The following SNX20 variants were observed in gnomAD, a reference collection of about 807,000 sequenced individuals.
SNX20 encodes the protein sorting nexin 20.
Under a neutral mutation model 24.5 loss-of-function variants are expected in SNX20, and 21 were observed. The observed-to-expected ratio is 0.86, with a 90% CI of 0.61 to 1.23. The LOEUF is 1.23. Among genes scored for constraint, SNX20 ranks in the 50% most tolerant of loss-of-function variants. SNX20 has a pLI of 0.00. For missense variants in SNX20, 433 were observed against 430.8 expected, an observed-to-expected ratio of 1.00 and a Z score of -0.04; for synonymous variants, 206 against 192.8, an observed-to-expected ratio of 1.07 and a Z score of -0.57.
chr16:50,668,943 C>G, downstream of SNX20: 1 of 1,506,706 alleles, frequency 6.6e-7, no homozygotes. Flanking sequence ...CGGCCCTGCC[C>G]AGGCCTCAGC....
intron 1 of SNX20, among the ~76,000 whole-genome samples, chr16:50,680,627 G>A (rs182999962): frequency 1.2e-4 from 18 of 152,276 alleles, no homozygotes; most frequent in Non-Finnish European, 2.4e-4. Context: ...CATGGCCCAC[G>A]CTGGGAGACA....
intron 3 of SNX20, among the ~76,000 whole-genome samples, 174 bp from the exon 4 acceptor site, chr16:50,674,248 T>C (rs576115160): frequency 1.3e-5 from 2 of 150,938 alleles, no homozygotes; most frequent in Non-Finnish European, 2.9e-5. Context: ...TTTATTTATT[T>C]ATTTATTTAT....
In SNX20 at chr16:50,673,211, G is replaced by A; in HGVS notation, c.*195C>T. ...AGCTACTTGGGAGGCTGAGGTGGGAGGATTGCTTGTGCCCAGGAGTTTGAG... is the reference window on the plus strand; with the variant it reads ...AGCTACTTGGGAGGCTGAGGTGGGAAGATTGCTTGTGCCCAGGAGTTTGAG... On this transcript the variant is annotated 3_prime_UTR_variant, in exon 4 of 4. Transcript: ENST00000330943. This position sits in a 1 kb window ranked among gnomAD's most constrained non-coding sequence, Gnocchi z 4.1. The A allele has an allele frequency of 1.1e-6, 1 of 944,778 alleles. No individual in the cohort carries two copies. The highest frequency in any genetic ancestry group is 4.2e-5 in the South Asian group (1 of 23,994). 58.5% of individuals were successfully genotyped at this position (944,778 alleles called of 1,614,324 possible).
downstream of SNX20, chr16:50,669,125 C>CT: frequency 7.0e-7 from 1 of 1,423,636 alleles, no homozygotes; most frequent in Non-Finnish European, 9.7e-7. Context: ...GATAAGTCAT[C>CT]TCTCCAGGCC....
downstream of SNX20, chr16:50,668,974 C>G (rs78003153): frequency 2.0e-3 from 3,134 of 1,544,230 alleles, 47 homozygotes; most frequent in African/African-American, 0.037. Context: ...CACCCCTAGG[C>G]CCAGCTGGAT....
rs2150760039 is a variant in SNX20, at chr16:50,672,587, C to T, written c.*819G>A. 6.7e-6 allele frequency: 1 copy of T among 149,104 alleles called. No individual in the cohort carries two copies. Among genetic ancestry groups the T allele is most frequent in the African/African-American group, 2.5e-5 (1 of 39,902 alleles). 9.2% of individuals were successfully genotyped at this position (149,104 alleles called of 1,614,324 possible). On this transcript the variant is annotated 3_prime_UTR_variant, in exon 4 of 4. Transcript: ENST00000330943. ...TAGGTGAGCTTTTGTTTTGCTTTGT[C>T]AGGTCTACATGGTAAGGGGGAAGGG... is the stretch of plus-strand genomic sequence containing the variant.
At position 50,674,051 on chromosome 16, in the gene SNX20, C is replaced by T. The variant is rs755456612; in HGVS notation, c.306G>A (p.Gln102=). 3.1e-6 allele frequency: 5 copies of T among 1,605,266 alleles called. No individual in the cohort carries two copies. Among genetic ancestry groups the T allele is most frequent in the Admixed American group, 1.7e-5 (1 of 59,082 alleles). The stretch of plus-strand genomic sequence containing the variant: ...CCTTGTTGTTGTCAAAGCTCCCAGT[C>T]TGGATGACGATGATTTGGTACACCT... ...KFVVYQIIVI[Q]TGSFDNNKAV... is the part of the protein sequence containing the mutation. The change falls in exon 4 of 4, where the codon CAG becomes CAA. Residue 102 remains glutamine, a synonymous_variant. Coordinates refer to ENST00000330943, the MANE Select transcript of SNX20 (RefSeq NM_182854.4).
At chr16:50,667,857 T>C (rs530518079), downstream of SNX20, 9 of 718,820 alleles carry the variant, frequency 1.3e-5, no homozygotes, top group Admixed American at 2.3e-5. Flanking sequence ...AGCTGACAGA[T>C]GAGGGCTCGG....
Position 50,673,633 on chromosome 16 carries a change from G to T in SNX20, c.724C>A (p.Arg242Ser), listed in dbSNP as rs1007232450. The change falls in exon 4 of 4, where the codon CGC becomes AGC. Residue 242 changes from arginine to serine, a missense_variant. Physicochemically the swap from Arg to Ser is moderately radical, Grantham distance 110. Coordinates refer to ENST00000330943, the MANE Select transcript of SNX20 (RefSeq NM_182854.4). This position sits in a 1 kb window ranked among gnomAD's most constrained non-coding sequence, Gnocchi z 4.1. ...AVLLCHRDLD[R>S]PAEAFAAGER... Reference sequence around the variant, plus strand: ...CCGGCCGCGAAGGCCTCGGCGGGGCGGTCGAGGTCGCGGTGGCACAGCAGC... The same window carrying T: ...CCGGCCGCGAAGGCCTCGGCGGGGCTGTCGAGGTCGCGGTGGCACAGCAGC... 1.3e-6 allele frequency: 2 copies of T among 1,546,022 alleles called. No homozygotes were observed. Among genetic ancestry groups the T allele is most frequent in the Admixed American group, 2.0e-5 (1 of 50,408 alleles).
chr16:50,677,050 C>A (rs1024275032), intron 2 of SNX20, among the ~76,000 whole-genome samples: 1 of 152,184 alleles, frequency 6.6e-6, no homozygotes, highest in African/African-American at 2.4e-5. Context: ...GATAACAGCC[C>A]GGCTTCCTCA....
Position 50,673,838 on chromosome 16 carries a change from G to A in SNX20, c.519C>T (p.Cys173=), listed in dbSNP as rs374773567. Residue 173 remains cysteine, a synonymous_variant, in exon 4 of 4, where the codon TGC becomes TGT. Transcript: ENST00000330943. This position sits in a 1 kb window ranked among gnomAD's most constrained non-coding sequence, Gnocchi z 4.1. ...CCAGGAACTCCCGGGAGCGGCGCAC[G>A]CAGCGGATGGCGTAGAGCAGGCCCA... ...EYLGLLYAIR[C]VRRSREFLDF... is the part of the protein sequence containing the mutation. 14 of 1,600,060 alleles carry A rather than the reference G, an allele frequency of 8.7e-6. No homozygotes were observed. Among genetic ancestry groups the A allele is most frequent in the East Asian group, 4.5e-5 (2 of 44,432 alleles).
chr16:50,678,766 A>G (rs1963236130), intron 1 of SNX20, among the ~76,000 whole-genome samples: 1 of 152,178 alleles, frequency 6.6e-6, no homozygotes, highest in South Asian at 2.1e-4. Context: ...GTAGCTGGCA[A>G]GTGACTCAAC....
chr16:50,676,749 A>G (rs1407205872), intron 2 of SNX20, among the ~76,000 whole-genome samples: 2 of 152,278 alleles, frequency 1.3e-5, no homozygotes, highest in South Asian at 2.1e-4. Context: ...CTGTTTCTCT[A>G]CCAAACCTCA....
intron 2 of SNX20, 74 bp from the exon 3 acceptor site, chr16:50,675,995 G>C: frequency 6.8e-7 from 1 of 1,465,226 alleles, no homozygotes; most frequent in Non-Finnish European, 9.0e-7. Context: ...GGAGATGGCT[G>C]GGTCTATCTG....
At chr16:50,667,934 G>A, downstream of SNX20, 2 of 1,356,898 alleles carry the variant, frequency 1.5e-6, no homozygotes, top group South Asian at 1.2e-5. Flanking sequence ...TAGATGGGTA[G>A]GGGGGGACCC....
At chr16:50,669,165 G>A (rs1158458812), downstream of SNX20, 2 of 1,109,128 alleles carry the variant, frequency 1.8e-6, no homozygotes, top group East Asian at 2.6e-5. Flanking sequence ...ACAGAGGTGA[G>A]TGAAATGATC....
intron 1 of SNX20, among the ~76,000 whole-genome samples, chr16:50,680,751 G>C (rs764569136): frequency 1.3e-4 from 20 of 152,144 alleles, no homozygotes; most frequent in Non-Finnish European, 2.5e-4. Flanking sequence ...TCCCAACCCA[G>C]TGTGTGTAAG....
chr16:50,668,549 A>G, downstream of SNX20: 1 of 1,017,972 alleles, frequency 9.8e-7, no homozygotes, highest in East Asian at 9.0e-5. Context: ...GTGCATAAGT[A>G]AAAGGAGACT....
downstream of SNX20, chr16:50,667,658 G>A (rs774599723): frequency 3.2e-6 from 1 of 308,322 alleles, no homozygotes; most frequent in South Asian, 4.3e-5. Context: ...ACACCAACAC[G>A]CTGGGGACAT....
Sources: allele counts gnomAD v4.1 joint callset (sites outside exome capture counted in the v4.1 genomes callset), GRCh38; gene constraint gnomAD v4.1.1; non-coding constraint Gnocchi (gnomAD v3.1); transcripts MANE v1.5; gene names NCBI Gene and HGNC (gene_info 2026-07-23, HGNC 2026-07-21).